Variants in KCTD18 observed in about 807,000 individuals in gnomAD.
KCTD18 encodes the protein potassium channel tetramerization domain containing 18, also known as BTB/POZ domain-containing protein KCTD18.
In KCTD18, 22 loss-of-function variants were observed where a neutral mutation model predicts 30.4. That is an observed-to-expected ratio of 0.72 (90% CI 0.52 to 1.03). The LOEUF (loss-of-function observed/expected upper bound fraction) is 1.03. Ranked by LOEUF, KCTD18 falls within the 50% of genes least tolerant of loss-of-function variation. The pLI is 0.00. For synonymous variants in KCTD18, 186 were observed against 209.0 expected, an observed-to-expected ratio of 0.89 and a Z score of 0.95; for missense variants, 529 against 547.6, an observed-to-expected ratio of 0.97 and a Z score of 0.34.
rs1402471475 is a variant in KCTD18, at chr2:200,489,094, C to G, written c.*1006G>C. 2 of 152,520 alleles carry G rather than the reference C, an allele frequency of 1.3e-5. No individual in the cohort carries two copies. The highest frequency in any genetic ancestry group is 3.9e-4 in the East Asian group (2 of 5,194). The allele number at this position is 152,520 out of a possible 1,614,324, so 9.4% of individuals were successfully genotyped here. A position where few individuals can be genotyped will look rare whatever the true frequency, so the allele number is the denominator to read the frequency against. ...CCTGTTTTATGAGCTTATTTTTTAA[C>G]ATAGTGAAGGCATACTCTCACTGAA... On this transcript the variant is annotated 3_prime_UTR_variant, in exon 7 of 7. Transcript: ENST00000359878.
In KCTD18 at chr2:200,489,673, T is replaced by C. The variant is rs1298702947; in HGVS notation, c.*427A>G. 6.3e-6 allele frequency: 1 copy of C among 159,448 alleles called. No homozygotes were observed. The highest frequency in any genetic ancestry group is 3.2e-3 in the Middle Eastern group (1 of 314). 9.9% of individuals were successfully genotyped at this position (159,448 alleles called of 1,614,324 possible). On this transcript the variant is annotated 3_prime_UTR_variant, in exon 7 of 7. Coordinates refer to ENST00000359878, the MANE Select transcript of KCTD18 (RefSeq NM_152387.4). ...TCTCTAATCTCTCTTGGCTGTGATATAGTACAGGGAACCACTAATATCACC... is the reference window on the plus strand; with the variant it reads ...TCTCTAATCTCTCTTGGCTGTGATACAGTACAGGGAACCACTAATATCACC...
intron 3 of KCTD18, 30 bp from the exon 4 acceptor site, chr2:200,499,114 A>C (rs369931459): frequency 6.7e-7 from 1 of 1,490,142 alleles, no homozygotes; most frequent in African/African-American, 1.4e-5. Context: ...TAAAATTTGA[A>C]TTTAATTCTA....
chr2:200,504,768 AC>A lies in KCTD18; in HGVS notation c.351del (p.Arg117SerfsTer4). 6.2e-7 allele frequency: 1 copy of A among 1,613,854 alleles called. No homozygotes were observed. Among genetic ancestry groups the A allele is most frequent in the Non-Finnish European group, 8.5e-7 (1 of 1,179,816 alleles). ...LANEMETYSL[R>X]SNIELKKALT... ...AAGACCTTTTTAAGTTCTATATTTG[AC>A]CTTAAAGAATATGTCTCCATTTCAT... is the stretch of plus-strand genomic sequence containing the variant. On this transcript the variant is annotated frameshift_variant, in exon 3 of 7. Coordinates refer to ENST00000359878, the MANE Select transcript of KCTD18 (RefSeq NM_152387.4). LOFTEE classifies it high-confidence loss of function.
In KCTD18 at chr2:200,490,094, C is replaced by T. The variant is rs2087883121; in HGVS notation, c.*6G>A. The T allele has an allele frequency of 1.3e-6, 2 of 1,550,726 alleles. No homozygotes were observed. The highest frequency in any genetic ancestry group is 1.4e-5 in the African/African-American group (1 of 73,264). On this transcript the variant is annotated 3_prime_UTR_variant, in exon 7 of 7. Coordinates refer to ENST00000359878, the MANE Select transcript of KCTD18 (RefSeq NM_152387.4). The stretch of plus-strand genomic sequence containing the variant: ...TGAACGGGAAATTTCAAGTCCACCA[C>T]TTTCATCAATTTCCCTTGTTCTTCC...
intron 5 of KCTD18, chr2:200,496,930 G>A (rs916919711): frequency 6.6e-6 from 1 of 152,342 alleles, no homozygotes; most frequent in Admixed American, 6.5e-5. Flanking sequence ...AGCCTCCCAA[G>A]TAACTGAGAC....
intron 5 of KCTD18, chr2:200,497,486 T>C (rs2088013880): frequency 8.7e-6 from 3 of 344,254 alleles, no homozygotes; most frequent in African/African-American, 6.3e-5. Context: ...CAGTAGGTAC[T>C]AAATGAACTC....
Position 200,506,727 on chromosome 2 carries a change from A to T in KCTD18, c.160+130T>A, listed in dbSNP as rs1387797034. The T allele has an allele frequency of 9.6e-6, 7 of 729,562 alleles. No individual in the cohort carries two copies. The East Asian group carries it at 1.9e-4, about 20-fold the overall frequency. 45.2% of individuals were successfully genotyped at this position (729,562 alleles called of 1,614,324 possible). A position where few individuals can be genotyped will look rare whatever the true frequency, so the allele number is the denominator to read the frequency against. On this transcript the variant is annotated intron_variant, in intron 2 of 6. Transcript: ENST00000359878. ...TTCTCCACGTACTTAATGAATCTCC[A>T]TAGAGTCCTAATGATCTCAGTAATT...
rs746625298 is a variant in KCTD18 at position 200,498,928 on chromosome 2, G to A, written c.529C>T (p.Leu177=). The change falls in exon 4 of 7, where the codon CTG becomes TTG. Residue 177 remains leucine (L), a synonymous_variant. Coordinates refer to ENST00000359878, the MANE Select transcript of KCTD18 (RefSeq NM_152387.4). ...CCTTTGCTGTGAATTCTTCCTCCCA[G>A]CTGCTTTTCAATAGCGTCTGTTCCA... ...TDGTDAIEKQ[L]GGRIHSKGIF... is the part of the protein sequence containing the mutation. The A allele has an allele frequency of 6.2e-7, 1 of 1,613,784 alleles. No homozygotes were observed. Among genetic ancestry groups the A allele is most frequent in the African/African-American group, 1.3e-5 (1 of 74,886 alleles).
At chr2:200,502,597 T>C (rs1207268733) in intron 3 of KCTD18, among the ~76,000 whole-genome samples, 1 of 152,242 alleles carries the variant, frequency 6.6e-6, no homozygotes, top group Non-Finnish European at 1.5e-5. Context: ...CATTTGAATA[T>C]TAAGTTCCTA....
intron 5 of KCTD18, among the ~76,000 whole-genome samples, chr2:200,495,190 C>A (rs948498798): frequency 6.6e-6 from 1 of 152,232 alleles, no homozygotes; most frequent in African/African-American, 2.4e-5. Flanking sequence ...ATGTTTCATT[C>A]CAGTCTTTTT....
In KCTD18 at chr2:200,490,009, C is replaced by T; in HGVS notation, c.*91G>A. 2.2e-6 allele frequency: 3 copies of T among 1,335,742 alleles called. No individual in the cohort carries two copies. Among genetic ancestry groups the T allele is most frequent in the Non-Finnish European group, 3.0e-6 (3 of 994,766 alleles). 82.7% of individuals were successfully genotyped at this position (1,335,742 alleles called of 1,614,324 possible). A position where few individuals can be genotyped will look rare whatever the true frequency, so the allele number is the denominator to read the frequency against. ...TCCTCAACATAAACCTAAGCTTCCC[C>T]TCTGCTGCATTAAGAAAGTGTCACT... is the stretch of plus-strand genomic sequence containing the variant. On this transcript the variant is annotated 3_prime_UTR_variant, in exon 7 of 7. Coordinates refer to ENST00000359878, the MANE Select transcript of KCTD18 (RefSeq NM_152387.4).
rs144995654 is a variant in KCTD18 at position 200,490,296 on chromosome 2, G to C, written c.1085C>G (p.Ala362Gly). The C allele has an allele frequency of 5.3e-5, 86 of 1,614,234 alleles. No homozygotes were observed. Among genetic ancestry groups the C allele is most frequent in the Middle Eastern group, 1.6e-4 (1 of 6,062 alleles). The part of the protein sequence containing the change: ...AENGGTHLPP[A>G]KVLLSDKKPT... Reference sequence around the variant, plus strand: ...CTTCTTGTCGGAGAGTAGCACCTTAGCTGGAGGTAAGTGCGTGCCTCCATT... The same window carrying C: ...CTTCTTGTCGGAGAGTAGCACCTTACCTGGAGGTAAGTGCGTGCCTCCATT... The change falls in exon 7 of 7, where the codon GCT becomes GGT. Residue 362 changes from alanine (A) to glycine (G), a missense_variant. Physicochemically the swap from Ala to Gly is moderately conservative, Grantham distance 60 (BLOSUM62 0). Coordinates refer to ENST00000359878, the MANE Select transcript of KCTD18 (RefSeq NM_152387.4).
chr2:200,508,622 T>A (rs754865020), intron 1 of KCTD18, among the ~76,000 whole-genome samples: 27 of 152,368 alleles, frequency 1.8e-4, no homozygotes, highest in Middle Eastern at 3.4e-3. Flanking sequence ...GATCGTTTTG[T>A]AGATGCCAGC....
chr2:200,496,386 G>A (rs757121830), intron 5 of KCTD18: 1 of 152,212 alleles, frequency 6.6e-6, no homozygotes, highest in Admixed American at 6.5e-5. Context: ...CTCTTGAGGG[G>A]TATGACTGGA....
chr2:200,509,022 C>T (rs572560900), intron 1 of KCTD18, among the ~76,000 whole-genome samples: 59 of 152,316 alleles, frequency 3.9e-4, no homozygotes, highest in African/African-American at 1.4e-3. Flanking sequence ...TTAATCCCTA[C>T]TTTTTGGTCT....
intron 3 of KCTD18, among the ~76,000 whole-genome samples, chr2:200,500,680 C>T (rs549938164): frequency 6.6e-6 from 1 of 151,300 alleles, no homozygotes; most frequent in Admixed American, 6.6e-5. Flanking sequence ...TAGGAAGAAT[C>T]AATATTGTGA....
chr2:200,505,872 AAAGAG>A (rs1275692042), intron 2 of KCTD18, among the ~76,000 whole-genome samples: 1 of 152,144 alleles, frequency 6.6e-6, no homozygotes, highest in Non-Finnish European at 1.5e-5. Context: ...TAAAAAAAAA[AAAGAG>A]AGAAAAACCT....
chr2:200,499,617 T>A (rs953375036), intron 3 of KCTD18, among the ~76,000 whole-genome samples: 3 of 151,790 alleles, frequency 2.0e-5, no homozygotes, highest in East Asian at 3.9e-4. Context: ...TAACAGGAGC[T>A]GAAATTGTGG....
intron 3 of KCTD18, among the ~76,000 whole-genome samples, chr2:200,503,731 C>T (rs2029997547): frequency 6.6e-6 from 1 of 152,214 alleles, no homozygotes; most frequent in African/African-American, 2.4e-5. Flanking sequence ...ACTTTCTATT[C>T]ATGCTGCACT....
Sources: gnomAD v4.1 joint callset for allele counts (sites outside exome capture counted in the v4.1 genomes callset) on GRCh38, gnomAD v4.1.1 for gene constraint, MANE v1.5 for transcripts, NCBI Gene and HGNC (gene_info 2026-07-23, HGNC 2026-07-21) for gene names.